The following HEATR4 variants were observed in gnomAD, a reference collection of about 807,000 sequenced individuals.
The protein encoded by HEATR4 is HEAT repeat-containing protein 4.
HEATR4 carries 95 observed loss-of-function variants against 108.8 expected under a neutral mutation model. The observed-to-expected ratio is 0.87, with a 90% confidence interval of 0.74 to 1.04. The LOEUF (loss-of-function observed/expected upper bound fraction) is 1.04, where lower values mean the gene tolerates loss of function less well. Ranked by LOEUF, HEATR4 falls within the 50% of genes least tolerant of loss-of-function variation. The probability of loss-of-function intolerance (pLI) is 0.00; values close to 1 mark genes in which losing one functional copy is unlikely to be tolerated. For synonymous variants in HEATR4, 443 were observed against 459.4 expected (o/e 0.96, Z 0.46); for missense variants, 1,152 against 1,253.8 (o/e 0.92, Z 1.23).
At chr14:73,509,220 G>C in intron 8 of HEATR4, 92 bp downstream of exon 8, 7 of 1,230,372 alleles carry the variant, frequency 5.7e-6, no homozygotes, top group Non-Finnish European at 8.3e-6. Context: ...AGACATTGCA[G>C]AGCATCACAG....
At chr14:73,569,954 T>C in the HEATR4 span, 1,604 of 1,509,726 alleles carry the variant, frequency 1.1e-3, 23 homozygotes, top group Non-Finnish European at 1.3e-3. Flanking sequence ...GCCCCACGCT[T>C]TTCGCTTATG....
At chr14:73,594,673 G>GTTATTTATTTAT in the HEATR4 span, among the ~76,000 whole-genome samples, 281 of 147,230 alleles carry the variant, frequency 1.9e-3, no homozygotes, top group African/African-American at 4.2e-3. Flanking sequence ...CATTGGATAA[G>GTTATTTATTTAT]TTATTTATTT....
In HEATR4 at chr14:73,500,595, C is replaced by T. The variant is rs747452559; in HGVS notation, c.2241G>A (p.Arg747=). The T allele has an allele frequency of 6.2e-7, 1 of 1,613,960 alleles. No individual in the cohort carries two copies. The highest frequency in any genetic ancestry group is 1.1e-5 in the South Asian group (1 of 91,064). The change falls in exon 12 of 18, where the codon CGG becomes CGA. Residue 747 remains arginine (R), a synonymous_variant. Transcript: ENST00000553558. The stretch of plus-strand genomic sequence containing the variant: ...GGGCACCAGCTGCCAAACAGGCTGC[C>T]CGCCGAACTGCTGTGAAGTCATCAG... ...CFSDDFTAVR[R]AACLAAGALQ...
the HEATR4 span, among the ~76,000 whole-genome samples, chr14:73,601,301 T>A: frequency 1.3e-5 from 2 of 151,946 alleles, no homozygotes; most frequent in Non-Finnish European, 2.9e-5. Context: ...TGGTGGCTCA[T>A]GCCTGTAATC....
rs8006953 is a variant in HEATR4 at position 73,535,473 on chromosome 14, T to C, written c.-151-5229A>G. Among the ~76,000 whole-genome samples the C allele has an allele frequency of 1.1e-3, 12 of 10,574 alleles. 1 individual carries two copies. The highest frequency in any genetic ancestry group is 2.4e-3 in the Admixed American group (2 of 838). 6.9% of individuals were successfully genotyped at this position (10,574 alleles called of 152,430 possible). On this transcript the variant is annotated intron_variant, in intron 1 of 17. Transcript: ENST00000553558. Reference sequence around the variant, plus strand: ...TTTCTTTTCTTTTTCTTCTTTCTTTTTTTTTTTTTTTTTTTTTTTTTTTTT... The same window carrying C: ...TTTCTTTTCTTTTTCTTCTTTCTTTCTTTTTTTTTTTTTTTTTTTTTTTTT...
chr14:73,589,909 C>G, the HEATR4 span, among the ~76,000 whole-genome samples: 9 of 152,104 alleles, frequency 5.9e-5, no homozygotes, highest in Non-Finnish European at 1.3e-4. Context: ...TGTTACAGCT[C>G]TTAAGGCGGC....
chr14:73,615,546 C>T, the HEATR4 span, among the ~76,000 whole-genome samples: 1 of 151,596 alleles, frequency 6.6e-6, no homozygotes, highest in Non-Finnish European at 1.5e-5. Flanking sequence ...GCCTCACCAA[C>T]ATGGTGAAAC....
chr14:73,523,198 G>A lies in HEATR4; in HGVS notation c.-46C>T. 6.6e-7 allele frequency: 1 copy of A among 1,507,392 alleles called. No homozygotes were observed. The highest frequency in any genetic ancestry group is 8.8e-7 in the Non-Finnish European group (1 of 1,131,656). 93.4% of individuals were successfully genotyped at this position (1,507,392 alleles called of 1,614,324 possible). A position where few individuals can be genotyped will look rare whatever the true frequency, so the allele number is the denominator to read the frequency against. On this transcript the variant is annotated 5_prime_UTR_variant, in exon 3 of 18. Coordinates refer to ENST00000553558, the MANE Select transcript of HEATR4 (RefSeq NM_001220484.1). The stretch of plus-strand genomic sequence containing the variant: ...TCCTTCCACACTGCCTGGCCTAGAG[G>A]AAAGGCCTGGAGATGAGACCTGGCA...
intron 11 of HEATR4, among the ~76,000 whole-genome samples, chr14:73,501,792 C>T (rs542986309): frequency 1.3e-5 from 2 of 150,680 alleles, no homozygotes; most frequent in African/African-American, 2.4e-5. Context: ...CTCACTCTGT[C>T]GCCCAGGCTG....
At chr14:73,626,199 A>G in the HEATR4 span, among the ~76,000 whole-genome samples, 1 of 152,248 alleles carries the variant, frequency 6.6e-6, no homozygotes, top group African/African-American at 2.4e-5. Flanking sequence ...TTCCTAGGCC[A>G]CATTGGAAGA....
At chr14:73,494,687 A>T (rs959061002) in intron 16 of HEATR4, among the ~76,000 whole-genome samples, 2 of 152,074 alleles carry the variant, frequency 1.3e-5, no homozygotes, top group Non-Finnish European at 2.9e-5. Flanking sequence ...AGTAGATAGG[A>T]CTACCAGTGT....
At chr14:73,491,314 C>T (rs539378707) in intron 17 of HEATR4, 2 of 1,516,332 alleles carry the variant, frequency 1.3e-6, no homozygotes, top group African/African-American at 1.4e-5. Flanking sequence ...CATACGGCCA[C>T]CTGGGGCCCG....
At chr14:73,480,670 C>G (rs1357948000) in intron 17 of HEATR4, among the ~76,000 whole-genome samples, 2 of 152,086 alleles carry the variant, frequency 1.3e-5, no homozygotes, top group Non-Finnish European at 2.9e-5. Context: ...AGATGTCTTT[C>G]AAGAAGTGAA....
chr14:73,491,846 C>T, intron 17 of HEATR4: 1 of 1,609,482 alleles, frequency 6.2e-7, no homozygotes, highest in Non-Finnish European at 8.5e-7. Flanking sequence ...GACCCTGAAC[C>T]CACCCGGCCG....
the HEATR4 span, among the ~76,000 whole-genome samples, chr14:73,597,950 C>T: frequency 2.0e-5 from 3 of 151,894 alleles, no homozygotes; most frequent in Non-Finnish European, 2.9e-5. Flanking sequence ...TCTTTAACTC[C>T]TGACCTCAAG....
the HEATR4 span, among the ~76,000 whole-genome samples, chr14:73,566,320 G>A: frequency 1.3e-5 from 2 of 152,062 alleles, no homozygotes; most frequent in African/African-American, 2.4e-5. Context: ...TGCCAGTCCC[G>A]CACCGTGAGC....
chr14:73,537,970 G>T lies in HEATR4; in HGVS notation c.-151-7726C>A. ...GTGTGTGTCCCCTTCGCCCCGCCCC[G>T]CTCTTTTCGCTTGTGTGTGTGTCCC... On this transcript the variant is annotated intron_variant, in intron 1 of 17. Coordinates refer to ENST00000553558, the MANE Select transcript of HEATR4 (RefSeq NM_001220484.1). The T allele has an allele frequency of 3.0e-6, 3 of 1,002,484 alleles. 1 individual carries two copies. The highest frequency in any genetic ancestry group is 2.1e-4 in the East Asian group (2 of 9,472). 62.1% of individuals were successfully genotyped at this position (1,002,484 alleles called of 1,614,324 possible). A position where few individuals can be genotyped will look rare whatever the true frequency, so the allele number is the denominator to read the frequency against.
At chr14:73,577,919 T>C in the HEATR4 span, among the ~76,000 whole-genome samples, 10 of 151,790 alleles carry the variant, frequency 6.6e-5, no homozygotes, top group Non-Finnish European at 1.0e-4. Context: ...GGCTTGATCT[T>C]GGCTCACTGC....
chr14:73,567,881 G>A, the HEATR4 span: 2 of 152,020 alleles, frequency 1.3e-5, no homozygotes, highest in African/African-American at 4.8e-5. Context: ...TGAGAAGCGA[G>A]ACCATGAACC....
Sources: allele counts gnomAD v4.1 joint callset (sites outside exome capture counted in the v4.1 genomes callset), GRCh38; gene constraint gnomAD v4.1.1; transcripts MANE v1.5; gene names NCBI Gene and HGNC (gene_info 2026-07-23, HGNC 2026-07-21).